The following PRKDC variants were observed in gnomAD, a reference collection of about 807,000 sequenced individuals.
PRKDC encodes the protein protein kinase, DNA-activated, catalytic subunit.
Under a neutral mutation model 486.9 loss-of-function variants are expected in PRKDC, and 82 were observed. That is an observed-to-expected ratio of 0.17 (90% confidence interval 0.14 to 0.20). The LOEUF is 0.20. Among genes scored for constraint, PRKDC ranks in the 10% least tolerant of loss-of-function variants. The probability of loss-of-function intolerance (pLI) is 1.00; values close to 1 mark genes in which losing one functional copy is unlikely to be tolerated. For missense variants in PRKDC, 4,504 were observed against 5,038.2 expected (o/e 0.89, Z 3.21); for synonymous variants, 1,895 against 1,837.0 (o/e 1.03, Z -0.81).
rs548061280 is a variant in PRKDC, at chr8:47,925,320, C to G, written c.2419+1874G>C. ...AAGGCACCAAGTGTCCTGAAGAGAA[C>G]CCAGCGTCTGTCAAAAAGGCACAGC... On this transcript the variant is annotated intron_variant, in intron 21 of 85. Coordinates refer to ENST00000314191, the MANE Select transcript of PRKDC (RefSeq NM_006904.7). Among the ~76,000 whole-genome samples the G allele has an allele frequency of 3.9e-5, 6 of 152,326 alleles. No individual in the cohort carries two copies. In the South Asian group the frequency reaches 1.2e-3, roughly 32 times the overall value.
intron 4 of PRKDC, 54 bp from the exon 5 acceptor site, chr8:47,954,500 C>T (rs1248307197): frequency 1.5e-6 from 1 of 672,724 alleles, no homozygotes; most frequent in Non-Finnish European, 2.3e-6. Context: ...AGAAAAAAAA[C>T]ACAATACAAA....
intron 54 of PRKDC, among the ~76,000 whole-genome samples, chr8:47,845,670 GA>G (rs2088247581): frequency 7.3e-6 from 1 of 137,372 alleles, no homozygotes; most frequent in Non-Finnish European, 1.6e-5. Flanking sequence ...AATCAATAAT[GA>G]AAAAAACTTA....
At chr8:47,951,530 C>T (rs1009541198) in intron 7 of PRKDC, among the ~76,000 whole-genome samples, 1 of 152,022 alleles carries the variant, frequency 6.6e-6, no homozygotes, top group African/African-American at 2.4e-5. Context: ...TTGAAACCAG[C>T]CTGGGCAATA....
At chr8:47,807,369 G>A (rs1487789091) in intron 68 of PRKDC, 43 bp from the exon 69 acceptor site, 3 of 1,438,308 alleles carry the variant, frequency 2.1e-6, no homozygotes, top group Non-Finnish European at 2.8e-6. Context: ...CTCAGGAATA[G>A]GAAGCTGCTG....
In PRKDC at chr8:47,943,402, C is replaced by T. The variant is rs568860650; in HGVS notation, c.809-36G>A. 3.3e-5 allele frequency: 52 copies of T among 1,556,172 alleles called. No homozygotes were observed. In the East Asian group the frequency reaches 4.8e-4, roughly 14 times the overall value. ...AAATGCCATTATATTTAAAATCAGACGACATAACACAGAACAGAAAACCAA... is the reference window on the plus strand; with the variant it reads ...AAATGCCATTATATTTAAAATCAGATGACATAACACAGAACAGAAAACCAA... On this transcript the variant is annotated intron_variant, in intron 9 of 85. Transcript: ENST00000314191.
intron 84 of PRKDC, 148 bp from the exon 85 acceptor site, chr8:47,777,131 A>G: frequency 1.1e-6 from 1 of 949,658 alleles, no homozygotes; most frequent in Admixed American, 2.7e-5. Context: ...AGCTGTTCAT[A>G]CAGACTCCAT....
In PRKDC at chr8:47,783,772, G is replaced by A. The variant is rs2086740959; in HGVS notation, c.11145C>T (p.Tyr3715=). ...YDGRGKPLPE[Y]HVRIAGFDER... ...CATCAAACCCGGCGATTCGCACGTG[G>A]TACTCTGGCAATGGCTTTCCCCTAC... Residue 3715 remains tyrosine (Y), a synonymous_variant, in exon 78 of 86, where the codon TAC becomes TAT. Transcript: ENST00000314191. The A allele has an allele frequency of 1.2e-6, 2 of 1,613,810 alleles. No individual in the cohort carries two copies. Among genetic ancestry groups the A allele is most frequent in the African/African-American group, 2.7e-5 (2 of 74,894 alleles).
In PRKDC at chr8:47,929,948, A is replaced by T. The variant is rs748908017; in HGVS notation, c.1957T>A (p.Leu653Ile). 4 of 1,611,360 alleles carry T rather than the reference A, an allele frequency of 2.5e-6. No individual in the cohort carries two copies. Among genetic ancestry groups the T allele is most frequent in the Non-Finnish European group, 3.4e-6 (4 of 1,178,916 alleles). ...EPWVYSFSYE[L>I]ILQSTRLPLI... ...GGCAACCTTGTAGATTGCAAAATTA[A>T]TTCATATGAAAATGAGTACACCCAT... Residue 653 changes from leucine (L) to isoleucine (I), a missense_variant, in exon 18 of 86, where the codon TTA becomes ATA. By Grantham distance (5) the Leu-to-Ile change is conservative. Transcript: ENST00000314191.
chr8:47,881,034 G>A lies in PRKDC; in HGVS notation c.5067+382C>T, dbSNP rs1386615634. Among the ~76,000 whole-genome samples, 8 of 145,872 alleles carry A rather than the reference G, an allele frequency of 5.5e-5. No individual in the cohort carries two copies. In the East Asian group the frequency reaches 7.9e-4, roughly 14 times the overall value. ...TGTACTTCAGCCTGGGTGACAGAGC[G>A]AGACTGTCTAAAAAAAAAAAAAAAA... On this transcript the variant is annotated intron_variant, in intron 38 of 85. Transcript: ENST00000314191.
rs527401038 is a variant in PRKDC, at chr8:47,846,134, G to T, written c.7280+3020C>A. Among the ~76,000 whole-genome samples, 26 of 152,206 alleles carry T rather than the reference G, an allele frequency of 1.7e-4. No individual in the cohort carries two copies. In the South Asian group the frequency reaches 5.2e-3, roughly 30 times the overall value. On this transcript the variant is annotated intron_variant, in intron 54 of 85. Transcript: ENST00000314191. ...GCTTTCAATAAAATCCAACATTCTG[G>T]GCCAGGTGCAGTGGCTCACGCCTAT...
chr8:47,855,607 C>T (rs150226184), intron 49 of PRKDC, among the ~76,000 whole-genome samples: 64 of 152,368 alleles, frequency 4.2e-4, no homozygotes, highest in Non-Finnish European at 7.3e-4. Flanking sequence ...TGCTAGCCAC[C>T]ATGCCCCATG....
intron 7 of PRKDC, 133 bp downstream of exon 7, chr8:47,953,487 C>A (rs1277146028): frequency 3.5e-6 from 3 of 865,542 alleles, no homozygotes; most frequent in Non-Finnish European, 5.5e-6. Flanking sequence ...GGAGGGCCCA[C>A]AGGTCCCTCT....
At chr8:47,824,017 G>A in intron 63 of PRKDC, 21 bp from the exon 64 acceptor site, 1 of 1,549,436 alleles carries the variant, frequency 6.5e-7, no homozygotes, top group Non-Finnish European at 8.8e-7. Context: ...AATCAAAAAG[G>A]CCAAATCAAT....
rs1170674456 is a variant in PRKDC at position 47,826,403 on chromosome 8, C to CA, written c.8783+252dup. ...TAAACTTGGTGAATAATACTGAGTC[C>CA]AAAAAATCATATACTGAAAGAAATC... On this transcript the variant is annotated intron_variant, in intron 63 of 85. Coordinates refer to ENST00000314191, the MANE Select transcript of PRKDC (RefSeq NM_006904.7). Among the ~76,000 whole-genome samples, 27 of 152,096 alleles carry CA rather than the reference C, an allele frequency of 1.8e-4. 1 individual carries two copies. The highest frequency in any genetic ancestry group is 4.8e-5 in the African/African-American group (2 of 41,398).
At chr8:47,947,815 C>A (rs1482524333) in intron 7 of PRKDC, among the ~76,000 whole-genome samples, 1 of 151,924 alleles carries the variant, frequency 6.6e-6, no homozygotes, top group Non-Finnish European at 1.5e-5. Context: ...GGCTCAGGCA[C>A]AAGAATCACT....
chr8:47,777,973 TA>T (rs2086634546), intron 83 of PRKDC, 99 bp from the exon 84 acceptor site: 2 of 1,109,514 alleles, frequency 1.8e-6, no homozygotes, highest in Non-Finnish European at 2.6e-6. Context: ...TGTTCACATT[TA>T]GTAAAAATAC....
rs896956084 is a variant in PRKDC at position 47,834,362 on chromosome 8, G to A, written c.7986C>T (p.Ser2662=). 4 of 1,613,716 alleles carry A rather than the reference G, an allele frequency of 2.5e-6. No individual in the cohort carries two copies. Among genetic ancestry groups the A allele is most frequent in the Admixed American group, 1.7e-5 (1 of 60,004 alleles). ...TGTGGTCGACCAGCGGGTCAGTGCTGCTCCCGGTCAGCCAATCAAATGAGC... is the reference window on the plus strand; with the variant it reads ...TGTGGTCGACCAGCGGGTCAGTGCTACTCCCGGTCAGCCAATCAAATGAGC... ...GRSSFDWLTG[S]STDPLVDHTS... The change falls in exon 59 of 86, where the codon AGC becomes AGT. Residue 2662 remains serine (S), a synonymous_variant. Coordinates refer to ENST00000314191, the MANE Select transcript of PRKDC (RefSeq NM_006904.7).
At chr8:47,899,712 T>C (rs2089645743) in intron 28 of PRKDC, among the ~76,000 whole-genome samples, 1 of 152,162 alleles carries the variant, frequency 6.6e-6, no homozygotes, top group African/African-American at 2.4e-5. Context: ...CACAGCTGTG[T>C]GGCCGTCTCA....
chr8:47,864,270 C>G (rs1346049149), intron 41 of PRKDC, among the ~76,000 whole-genome samples: 1 of 152,188 alleles, frequency 6.6e-6, no homozygotes, highest in East Asian at 1.9e-4. Context: ...AGGAACAGCT[C>G]TTCCCTGAGT....
Sources: gnomAD v4.1 joint callset for allele counts (sites outside exome capture counted in the v4.1 genomes callset) on GRCh38, gnomAD v4.1.1 for gene constraint, MANE v1.5 for transcripts, NCBI Gene and HGNC (gene_info 2026-07-23, HGNC 2026-07-21) for gene names.